Variants in SLC24A3 observed in about 807,000 individuals in gnomAD.
The protein encoded by SLC24A3 is sodium/potassium/calcium exchanger 3.
SLC24A3 carries 28 observed loss-of-function variants against 75.8 expected under a neutral mutation model. The ratio of observed to expected loss-of-function variants is 0.37; its 90% CI spans 0.27 to 0.51. The LOEUF is 0.51. Ranked by LOEUF, SLC24A3 falls within the 20% of genes least tolerant of loss-of-function variation. The pLI is 0.94. For missense variants in SLC24A3, 663 were observed against 847.8 expected (o/e 0.78, Z 2.71); for synonymous variants, 372 against 334.1 (o/e 1.11, Z -1.24).
At chr20:19,431,383 C>T (rs1600478426) in intron 2 of SLC24A3, among the ~76,000 whole-genome samples, 2 of 152,144 alleles carry the variant, frequency 1.3e-5, no homozygotes, top group Non-Finnish European at 2.9e-5. Flanking sequence ...TGTGTGAAAG[C>T]ATCCACGTGT....
chr20:19,678,047 C>T (rs1488448386), intron 9 of SLC24A3, among the ~76,000 whole-genome samples: 6 of 151,404 alleles, frequency 4.0e-5, no homozygotes, highest in Non-Finnish European at 7.4e-5. Flanking sequence ...TCAACAGGAT[C>T]CCAAGGCAGA....
At chr20:19,228,732 GA>G (rs1046614901) in intron 1 of SLC24A3, among the ~76,000 whole-genome samples, 10 of 151,570 alleles carry the variant, frequency 6.6e-5, no homozygotes, top group Admixed American at 2.0e-4. Context: ...AATATATATA[GA>G]AAAAAATATC....
chr20:19,583,415 G>A (rs115709138), intron 4 of SLC24A3, among the ~76,000 whole-genome samples: 3,329 of 152,210 alleles, frequency 0.022, 120 homozygotes, highest in African/African-American at 0.074. Flanking sequence ...CAGGCTGGGC[G>A]TTAGGAATTA....
intron 1 of SLC24A3, among the ~76,000 whole-genome samples, chr20:19,279,947 A>G (rs1983609293): frequency 6.6e-6 from 1 of 152,190 alleles, no homozygotes; most frequent in South Asian, 2.1e-4. Context: ...ACCTAAAGAG[A>G]GAGTCATGCT....
At chr20:19,636,283 C>T (rs1311321795) in intron 6 of SLC24A3, among the ~76,000 whole-genome samples, 2 of 152,132 alleles carry the variant, frequency 1.3e-5, no homozygotes, top group Admixed American at 6.5e-5. Context: ...ATATATAGGT[C>T]CCCAACTCTT....
chr20:19,351,846 C>T (rs1985573445), intron 2 of SLC24A3, among the ~76,000 whole-genome samples: 1 of 152,130 alleles, frequency 6.6e-6, no homozygotes. Context: ...CTTTCACACT[C>T]CAGTGGTTAG....
chr20:19,719,629 G>A (rs891097333), intron 16 of SLC24A3, among the ~76,000 whole-genome samples: 2 of 152,128 alleles, frequency 1.3e-5, no homozygotes, highest in Non-Finnish European at 2.9e-5. Flanking sequence ...AGGGAAGGAT[G>A]AGATGCCTGC....
At chr20:19,284,983 C>T (rs41306761) in intron 2 of SLC24A3, among the ~76,000 whole-genome samples, 2,956 of 152,222 alleles carry the variant, frequency 0.019, 33 homozygotes, top group African/African-American at 0.029. Context: ...GCTGTGTTTG[C>T]AGAATTCCAT....
At chr20:19,337,946 C>T (rs1363845999) in intron 2 of SLC24A3, among the ~76,000 whole-genome samples, 1 of 152,076 alleles carries the variant, frequency 6.6e-6, no homozygotes, top group Non-Finnish European at 1.5e-5. Flanking sequence ...GCATCACTTC[C>T]TTCAATTATC....
rs186742815 is a variant in SLC24A3 at position 19,672,981 on chromosome 20, G to T, written c.714-620G>T. On this transcript the variant is annotated intron_variant, in intron 8 of 16. Transcript: ENST00000328041. ...CTGGAAAACAAGCTCCTGGTTTTTA[G>T]TTGGAAGCCACTAAGATAAAGAAAA... 2.9e-3 allele frequency among the ~76,000 whole-genome samples: 446 copies of T among 152,284 alleles called. 3 individuals are homozygous for T. The highest frequency in any genetic ancestry group is 6.7e-3 in the Admixed American group (102 of 15,306).
intron 2 of SLC24A3, among the ~76,000 whole-genome samples, chr20:19,424,263 A>G (rs1986962845): frequency 6.6e-6 from 1 of 152,136 alleles, no homozygotes; most frequent in South Asian, 2.1e-4. Context: ...AGTTTCAAGA[A>G]TAGTACCATA....
chr20:19,275,268 T>C (rs1983448998), intron 1 of SLC24A3, among the ~76,000 whole-genome samples: 1 of 152,066 alleles, frequency 6.6e-6, no homozygotes, highest in Non-Finnish European at 1.5e-5. Flanking sequence ...TGGCCTAGGG[T>C]CCTGGCTTGG....
At chr20:19,314,706 A>G (rs1049022140) in intron 2 of SLC24A3, among the ~76,000 whole-genome samples, 5 of 152,220 alleles carry the variant, frequency 3.3e-5, no homozygotes, top group Non-Finnish European at 7.3e-5. Flanking sequence ...CTTCTCTGCC[A>G]TCAGGCAGCC....
At chr20:19,374,334 G>T (rs1986043079) in intron 2 of SLC24A3, among the ~76,000 whole-genome samples, 1 of 152,176 alleles carries the variant, frequency 6.6e-6, no homozygotes, top group African/African-American at 2.4e-5. Flanking sequence ...CTGTTAAAAT[G>T]ACAAATGTTT....
At chr20:19,314,277 A>ATTTTATTTTATTTTATTTTAT (rs150144853) in intron 2 of SLC24A3, among the ~76,000 whole-genome samples, 1 of 126,442 alleles carries the variant, frequency 7.9e-6, no homozygotes, top group Non-Finnish European at 1.7e-5. Flanking sequence ...GTTTTTATTT[A>ATTTTATTTTATTTTATTTTAT]TTTATTTTAT....
chr20:19,527,805 G>A (rs182128099), intron 3 of SLC24A3, among the ~76,000 whole-genome samples: 450 of 152,310 alleles, frequency 3.0e-3, no homozygotes, highest in Middle Eastern at 6.8e-3. Flanking sequence ...GGATCACGAT[G>A]TTCTCCAACT....
intron 9 of SLC24A3, among the ~76,000 whole-genome samples, chr20:19,675,663 A>G (rs952120873): frequency 6.6e-6 from 1 of 152,250 alleles, no homozygotes; most frequent in African/African-American, 2.4e-5. Flanking sequence ...TCCTGGTACC[A>G]TAAGGTAACT....
In SLC24A3 at chr20:19,687,664, T is replaced by A. The variant is rs899582846; in HGVS notation, c.1324+2303T>A. 7.9e-5 allele frequency among the ~76,000 whole-genome samples: 12 copies of A among 152,290 alleles called. 1 individual carries two copies. The highest frequency in any genetic ancestry group is 2.1e-4 in the South Asian group (1 of 4,824). ...AGCCCAGAATCCCCAAGTGCACCCC[T>A]CCAGGGGACAATGAAAGATGTGTGT... is the stretch of plus-strand genomic sequence containing the variant. On this transcript the variant is annotated intron_variant, in intron 12 of 16. Transcript: ENST00000328041.
chr20:19,360,214 C>T (rs1985761442), intron 2 of SLC24A3, among the ~76,000 whole-genome samples: 1 of 152,218 alleles, frequency 6.6e-6, no homozygotes, highest in Admixed American at 6.5e-5. Flanking sequence ...CTTATGTTTG[C>T]AGTCAGACAC....
Sources: gnomAD v4.1 joint callset for allele counts (sites outside exome capture counted in the v4.1 genomes callset) on GRCh38, gnomAD v4.1.1 for gene constraint, MANE v1.5 for transcripts, NCBI Gene and HGNC (gene_info 2026-07-23, HGNC 2026-07-21) for gene names.